Variants in PRKCE observed in about 807,000 individuals in gnomAD.
The protein encoded by PRKCE is protein kinase C epsilon.
In PRKCE, 16 loss-of-function variants were observed where a neutral mutation model predicts 85.4. That is an observed-to-expected ratio of 0.19 (90% CI 0.13 to 0.28). PRKCE has a LOEUF of 0.28. Ranked by LOEUF, PRKCE falls within the 10% of genes least tolerant of loss-of-function variation. The probability of loss-of-function intolerance (pLI) is 1.00; values close to 1 mark genes in which losing one functional copy is unlikely to be tolerated. For synonymous variants in PRKCE, 388 were observed against 371.5 expected (o/e 1.04, Z -0.51); for missense variants, 573 against 975.2 (o/e 0.59, Z 5.49).
At chr2:45,961,918 A>T (rs1574037299) in intron 2 of PRKCE, among the ~76,000 whole-genome samples, 1 of 152,022 alleles carries the variant, frequency 6.6e-6, no homozygotes, top group South Asian at 2.1e-4. Flanking sequence ...TGGTCTCGAA[A>T]TCCCGACCTC....
intron 2 of PRKCE, among the ~76,000 whole-genome samples, chr2:45,843,471 G>A (rs766632889): frequency 5.3e-5 from 8 of 152,228 alleles, no homozygotes; most frequent in African/African-American, 1.2e-4. Flanking sequence ...CTTCTTTAGA[G>A]CTTTGATAGA....
chr2:45,782,186 CA>C (rs1412141648), intron 1 of PRKCE, among the ~76,000 whole-genome samples: 2 of 152,172 alleles, frequency 1.3e-5, no homozygotes, highest in Non-Finnish European at 2.9e-5. Context: ...TTCTCAACTC[CA>C]AGCTATCAGT....
intron 1 of PRKCE, among the ~76,000 whole-genome samples, chr2:45,772,690 G>T (rs551475878): frequency 4.6e-5 from 7 of 152,212 alleles, no homozygotes; most frequent in African/African-American, 1.7e-4. Flanking sequence ...GATGTGAGTT[G>T]AGCATCTGCC....
intron 2 of PRKCE, among the ~76,000 whole-genome samples, chr2:45,869,706 C>CTTTTTTTT (rs71394860): frequency 6.4e-5 from 7 of 109,296 alleles, no homozygotes; most frequent in East Asian, 3.2e-4. Context: ...TTCTCTCTCT[C>CTTTTTTTT]TTTTTTTTTT....
intron 2 of PRKCE, among the ~76,000 whole-genome samples, chr2:45,856,884 C>T (rs1692723540): frequency 6.6e-6 from 1 of 152,214 alleles, no homozygotes; most frequent in African/African-American, 2.4e-5. Context: ...GACAGGATTT[C>T]ATTATGTTTT....
chr2:45,843,871 G>A (rs1456935885), intron 2 of PRKCE, among the ~76,000 whole-genome samples: 1 of 152,202 alleles, frequency 6.6e-6, no homozygotes, highest in African/African-American at 2.4e-5. Flanking sequence ...TGGCTTTAAT[G>A]CCATGGCAGG....
intron 14 of PRKCE, among the ~76,000 whole-genome samples, chr2:46,183,305 G>C (rs1194760772): frequency 6.6e-6 from 1 of 152,198 alleles, no homozygotes; most frequent in Non-Finnish European, 1.5e-5. Flanking sequence ...GAGCAGGGTA[G>C]AAAACATGGC....
intron 10 of PRKCE, among the ~76,000 whole-genome samples, chr2:46,021,344 T>A (rs1172356269): frequency 6.6e-6 from 1 of 152,142 alleles, no homozygotes; most frequent in African/African-American, 2.4e-5. Flanking sequence ...ATGACTTAAA[T>A]CATAGCCTGA....
intron 1 of PRKCE, among the ~76,000 whole-genome samples, chr2:45,722,421 A>T (rs1680698726): frequency 6.6e-6 from 1 of 152,134 alleles, no homozygotes; most frequent in African/African-American, 2.4e-5. Context: ...CGTTAGTATT[A>T]TTGTAAGACT....
intron 9 of PRKCE, among the ~76,000 whole-genome samples, chr2:46,007,983 A>G (rs1017770745): frequency 2.0e-5 from 3 of 152,304 alleles, no homozygotes; most frequent in Non-Finnish European, 2.9e-5. Flanking sequence ...TTCCAAATCA[A>G]TAGTAGTGTC....
chr2:46,039,229 A>C (rs1039407634), intron 10 of PRKCE, among the ~76,000 whole-genome samples: 9 of 152,196 alleles, frequency 5.9e-5, no homozygotes, highest in Admixed American at 2.6e-4. Context: ...ATGATTTGCT[A>C]TGCTTTTAAT....
chr2:45,882,735 C>T (rs910797845), intron 2 of PRKCE, among the ~76,000 whole-genome samples: 4 of 152,258 alleles, frequency 2.6e-5, no homozygotes, highest in Admixed American at 1.3e-4. Context: ...CAGAAAGGAG[C>T]CTGCCTTAAG....
chr2:45,689,162 C>T (rs1677528421), intron 1 of PRKCE, among the ~76,000 whole-genome samples: 1 of 152,216 alleles, frequency 6.6e-6, no homozygotes, highest in Admixed American at 6.5e-5. Flanking sequence ...GACTTAAGCA[C>T]AGCTCTTGTG....
At chr2:45,792,496 G>A (rs1019401222) in intron 1 of PRKCE, among the ~76,000 whole-genome samples, 9 of 150,748 alleles carry the variant, frequency 6.0e-5, no homozygotes, top group African/African-American at 1.2e-4. Flanking sequence ...AGAGAAGGGT[G>A]CCCTTCCCAC....
intron 2 of PRKCE, among the ~76,000 whole-genome samples, chr2:45,846,305 T>A (rs1157212387): frequency 6.6e-6 from 1 of 152,222 alleles, no homozygotes; most frequent in East Asian, 1.9e-4. Context: ...TCTAATAATG[T>A]GGCAATGCCC....
intron 2 of PRKCE, among the ~76,000 whole-genome samples, chr2:45,937,148 A>C (rs1335357823): frequency 6.6e-6 from 1 of 152,182 alleles, no homozygotes; most frequent in Non-Finnish European, 1.5e-5. Flanking sequence ...TCTGGTTTTT[A>C]TTACTCCTCT....
Position 46,173,257 on chromosome 2 carries a change from C to T in PRKCE, c.2068-11478C>T, listed in dbSNP as rs536163546. Among the ~76,000 whole-genome samples the T allele has an allele frequency of 3.9e-4, 59 of 152,288 alleles. 1 individual carries two copies. The Middle Eastern group carries it at 0.01, about 26-fold the overall frequency. On this transcript the variant is annotated intron_variant, in intron 14 of 14. Transcript: ENST00000306156. ...TAAAGTTTTATCGGAACACAGCCAC[C>T]GTCATTCATTTACACAAGTTCATGC...
At chr2:46,105,576 G>A (rs1038509079) in intron 11 of PRKCE, among the ~76,000 whole-genome samples, 2 of 151,354 alleles carry the variant, frequency 1.3e-5, no homozygotes, top group African/African-American at 2.4e-5. Flanking sequence ...CTAATACCAT[G>A]ACTTTTGGGA....
At chr2:45,668,530 C>T (rs1183361747) in intron 1 of PRKCE, among the ~76,000 whole-genome samples, 2 of 152,122 alleles carry the variant, frequency 1.3e-5, no homozygotes, top group Non-Finnish European at 2.9e-5. Context: ...GATGGTCTTT[C>T]TCCTTATAAT....
Sources: allele counts gnomAD v4.1 joint callset (sites outside exome capture counted in the v4.1 genomes callset), GRCh38; gene constraint gnomAD v4.1.1; transcripts MANE v1.5; gene names NCBI Gene and HGNC (gene_info 2026-07-23, HGNC 2026-07-21).